FEZ2: variants seen among roughly 807,000 people sequenced by gnomAD.
FEZ2 encodes the protein fasciculation and elongation protein zeta 2.
A neutral mutation model predicts 40.4 loss-of-function variants in FEZ2; 51 were observed. The observed-to-expected ratio is 1.26, with a 90% CI of 1.01 to 1.59. The LOEUF (loss-of-function observed/expected upper bound fraction) is 1.59. Ranked by LOEUF, FEZ2 falls within the 40% of genes most tolerant of loss-of-function variation. FEZ2 has a pLI of 0.00. For missense variants in FEZ2, 640 were observed against 438.3 expected (o/e 1.46, Z -4.11); for synonymous variants, 242 against 172.0 (o/e 1.41, Z -3.18).
intron 4 of FEZ2, among the ~76,000 whole-genome samples, chr2:36,579,634 G>GC (rs897014489): frequency 2.6e-5 from 4 of 151,864 alleles, no homozygotes; most frequent in African/African-American, 9.7e-5. Flanking sequence ...GCTCCCTGAG[G>GC]CCCCCCCAGA....
chr2:36,581,344 G>C lies in FEZ2; in HGVS notation c.580C>G (p.Leu194Val), dbSNP rs757018959. The change falls in exon 4 of 8, where the codon CTT becomes GTT. Residue 194 changes from leucine (L) to valine (V), a missense_variant. Leu to Val is a conservative substitution (Grantham distance 32). Coordinates refer to ENST00000405912, the MANE Select transcript of FEZ2 (RefSeq NM_005102.3). Reference sequence around the variant, plus strand: ...TTGAGAGTTTGAATTTCCTGGGAAAGCATTGAAAGCCGATCTGACTGTGTA... The same window carrying C: ...TTGAGAGTTTGAATTTCCTGGGAAACCATTGAAAGCCGATCTGACTGTGTA... ...TPTQSDRLSMLSQEIQTLKRS... is the reference protein window; with the variant it reads ...TPTQSDRLSMVSQEIQTLKRS... 38 of 1,613,538 alleles carry C rather than the reference G, an allele frequency of 2.4e-5. No homozygotes were observed. Among genetic ancestry groups the C allele is most frequent in the Non-Finnish European group, 1.7e-6 (2 of 1,179,624 alleles).
intron 5 of FEZ2, among the ~76,000 whole-genome samples, chr2:36,572,459 T>C (rs569713318): frequency 2.6e-5 from 4 of 152,378 alleles, no homozygotes; most frequent in Non-Finnish European, 2.9e-5. Context: ...TTCTACTTTT[T>C]AATTTTACTA....
chr2:36,553,310 G>C, intron 7 of FEZ2, 131 bp from the exon 8 acceptor site: 1 of 707,714 alleles, frequency 1.4e-6, no homozygotes, highest in African/African-American at 1.8e-5. Context: ...GATCTATGTA[G>C]CAATTTTTTA....
chr2:36,594,657 T>A (rs921238582), intron 1 of FEZ2: 1 of 153,034 alleles, frequency 6.5e-6, no homozygotes, highest in African/African-American at 2.4e-5. Flanking sequence ...CAATTCAAGT[T>A]GAGATTTGGG....
chr2:36,564,202 G>A lies in FEZ2; in HGVS notation c.904-5689C>T, dbSNP rs560691103. On this transcript the variant is annotated intron_variant, in intron 5 of 7. Coordinates refer to ENST00000405912, the MANE Select transcript of FEZ2 (RefSeq NM_005102.3). ...CTGAGCTTCACTCTGCATGTTTAAT[G>A]GCCAATTGGACATCTGTACCTATTG... Among the ~76,000 whole-genome samples, 13 of 152,210 alleles carry A rather than the reference G, an allele frequency of 8.5e-5. 1 individual carries two copies. The South Asian group carries it at 2.7e-3, about 32-fold the overall frequency.
chr2:36,578,854 G>C lies in FEZ2; in HGVS notation c.646C>G (p.Leu216Val), dbSNP rs769440031. 82 of 1,609,356 alleles carry C rather than the reference G, an allele frequency of 5.1e-5. No homozygotes were observed. The highest frequency in any genetic ancestry group is 1.8e-4 in the South Asian group (16 of 89,726). Reference protein sequence around the residue: ...TGSYEERVKRLSVSELNEILE... With the variant: ...TGSYEERVKRVSVSELNEILE... ...ATTTCATTTAACTCAGACACTGAGAGCCTTTTCACTCCTGTGACCAAAAGC... is the reference window on the plus strand; with the variant it reads ...ATTTCATTTAACTCAGACACTGAGACCCTTTTCACTCCTGTGACCAAAAGC... The change falls in exon 5 of 8, where the codon CTC becomes GTC. Residue 216 changes from leucine (L) to valine (V), a missense_variant. Coordinates refer to ENST00000405912, the MANE Select transcript of FEZ2 (RefSeq NM_005102.3).
intron 2 of FEZ2, among the ~76,000 whole-genome samples, chr2:36,587,190 A>G (rs921922204): frequency 1.3e-5 from 2 of 152,214 alleles, no homozygotes; most frequent in African/African-American, 2.4e-5. Flanking sequence ...TAATAACAGT[A>G]AACTATTATA....
chr2:36,557,877 C>G (rs1452545373), intron 6 of FEZ2: 1 of 152,002 alleles, frequency 6.6e-6, no homozygotes, highest in Non-Finnish European at 1.5e-5. Context: ...CTTGAAGGTG[C>G]ATTATCTTTG....
chr2:36,553,227 A>G (rs1450120720), intron 7 of FEZ2, 48 bp from the exon 8 acceptor site: 4 of 1,320,216 alleles, frequency 3.0e-6, no homozygotes, highest in Admixed American at 4.1e-5. Flanking sequence ...TTTTGTATAC[A>G]TTTACACAAA....
chr2:36,588,336 C>G (rs1368299206), intron 2 of FEZ2, among the ~76,000 whole-genome samples: 1 of 152,154 alleles, frequency 6.6e-6, no homozygotes, highest in South Asian at 2.1e-4. Context: ...CCAGGTAAGG[C>G]TTTTTAATGT....
At chr2:36,577,825 T>A (rs1036363486) in intron 5 of FEZ2, among the ~76,000 whole-genome samples, 5 of 152,230 alleles carry the variant, frequency 3.3e-5, no homozygotes, top group Admixed American at 6.5e-5. Flanking sequence ...AATAGCTAGT[T>A]TGTGATTTGT....
chr2:36,589,029 T>G (rs1265500421), intron 2 of FEZ2, among the ~76,000 whole-genome samples: 1 of 152,244 alleles, frequency 6.6e-6, no homozygotes, highest in East Asian at 1.9e-4. Flanking sequence ...GAAAATATTT[T>G]TTTAAAACCT....
intron 2 of FEZ2, among the ~76,000 whole-genome samples, chr2:36,585,795 T>G (rs1209849613): frequency 6.6e-6 from 1 of 151,956 alleles, no homozygotes; most frequent in Admixed American, 6.6e-5. Flanking sequence ...GAAAGGGAAG[T>G]TTTTGGGAGG....
At chr2:36,589,154 G>A (rs1046731693) in intron 2 of FEZ2, among the ~76,000 whole-genome samples, 1 of 152,124 alleles carries the variant, frequency 6.6e-6, no homozygotes, top group Non-Finnish European at 1.5e-5. Context: ...TTACTATAAA[G>A]ACAAATACAA....
chr2:36,574,940 T>C (rs1178454277), intron 5 of FEZ2, among the ~76,000 whole-genome samples: 2 of 152,112 alleles, frequency 1.3e-5, no homozygotes, highest in African/African-American at 2.4e-5. Context: ...AAACGGAGAA[T>C]TGGAAAGGGA....
At chr2:36,582,932 T>G (rs1467567808) in intron 3 of FEZ2, among the ~76,000 whole-genome samples, 3 of 152,232 alleles carry the variant, frequency 2.0e-5, no homozygotes, top group African/African-American at 7.2e-5. Flanking sequence ...GCTCACTTCT[T>G]TCTGGGGCAC....
chr2:36,553,370 T>G (rs914467090), intron 7 of FEZ2, among the ~76,000 whole-genome samples, 191 bp from the exon 8 acceptor site: 2 of 152,164 alleles, frequency 1.3e-5, no homozygotes, highest in East Asian at 1.9e-4. Flanking sequence ...TCAACACACA[T>G]TAGAATTTCC....
At chr2:36,568,385 ATT>A (rs1668312602) in intron 5 of FEZ2, among the ~76,000 whole-genome samples, 1 of 152,210 alleles carries the variant, frequency 6.6e-6, no homozygotes, top group Non-Finnish European at 1.5e-5. Context: ...AGAAAAAACA[ATT>A]TGTTACAGTT....
At chr2:36,591,804 T>C (rs774869810) in intron 1 of FEZ2, among the ~76,000 whole-genome samples, 26 of 152,148 alleles carry the variant, frequency 1.7e-4, no homozygotes, top group African/African-American at 5.5e-4. Context: ...TAACGAGTCA[T>C]TGGCCAGGCC....
Sources: allele counts gnomAD v4.1 joint callset (sites outside exome capture counted in the v4.1 genomes callset), GRCh38; gene constraint gnomAD v4.1.1; transcripts MANE v1.5; gene names NCBI Gene and HGNC (gene_info 2026-07-23, HGNC 2026-07-21).